PXYLP1: variants seen among roughly 807,000 people sequenced by gnomAD.
PXYLP1 encodes acid phosphatase-like 2.
PXYLP1 carries 17 observed loss-of-function variants against 37.9 expected under a neutral mutation model. That is an observed-to-expected ratio of 0.45 (90% CI 0.31 to 0.67). The LOEUF (loss-of-function observed/expected upper bound fraction) is 0.67, where lower values mean the gene tolerates loss of function less well. Ranked by LOEUF, PXYLP1 falls within the 30% of genes least tolerant of loss-of-function variation. The pLI, the probability that PXYLP1 is intolerant of heterozygous loss-of-function variation, is 0.07. For missense variants in PXYLP1, 511 were observed against 612.0 expected (o/e 0.84, Z 1.74); for synonymous variants, 221 against 232.2 (o/e 0.95, Z 0.44).
chr3:141,275,586 A>G (rs915208714), intron 2 of PXYLP1, among the ~76,000 whole-genome samples: 2 of 152,196 alleles, frequency 1.3e-5, no homozygotes, highest in African/African-American at 4.8e-5. Context: ...GCACTTTTCT[A>G]TATTTCCGTG....
At chr3:141,288,059 G>A (rs889625455) in intron 5 of PXYLP1, among the ~76,000 whole-genome samples, 16 of 152,252 alleles carry the variant, frequency 1.1e-4, no homozygotes, top group Non-Finnish European at 2.9e-5. Flanking sequence ...GCTGAGCTGA[G>A]TTCTCACAGA....
At chr3:141,255,531 G>A (rs1941244573) in intron 1 of PXYLP1, among the ~76,000 whole-genome samples, 1 of 152,244 alleles carries the variant, frequency 6.6e-6, no homozygotes, top group Non-Finnish European at 1.5e-5. Context: ...TGCCGGTGAA[G>A]CAGGGACTCT....
At position 141,292,347 on chromosome 3, in the gene PXYLP1, G is replaced by A. The variant is rs762035023; in HGVS notation, c.585G>A (p.Trp195Ter). 1.5e-5 allele frequency: 24 copies of A among 1,613,980 alleles called. No individual in the cohort carries two copies. Among genetic ancestry groups the A allele is most frequent in the Non-Finnish European group, 1.7e-5 (20 of 1,180,026 alleles). Reference protein sequence around the residue: ...LKKHKLLPNDWSADQLYLETT... With the variant: ...LKKHKLLPND ...AACACAAACTCCTGCCCAATGATTG[G>A]TCTGCAGACCAGCTCTATTTAGAGA... The change falls in exon 6 of 6, where the codon TGG becomes TGA. Residue 195 changes from tryptophan (W) to a stop codon, truncating the protein, a stop_gained. Coordinates refer to ENST00000286353, the MANE Select transcript of PXYLP1 (RefSeq NM_001037172.3). LOFTEE classifies it high-confidence loss of function. The surrounding 1 kb of genome is among the most constrained non-coding windows in gnomAD (Gnocchi z 4.3).
chr3:141,263,206 G>T (rs1457047885), intron 2 of PXYLP1, among the ~76,000 whole-genome samples: 1 of 152,194 alleles, frequency 6.6e-6, no homozygotes, highest in Non-Finnish European at 1.5e-5. Flanking sequence ...TATTTATTAA[G>T]TGCTTATGTG....
rs79639773 is a variant in PXYLP1 at position 141,248,558 on chromosome 3, C to A, written c.-53-11565C>A. On this transcript the variant is annotated intron_variant, in intron 1 of 5. Coordinates refer to ENST00000286353, the MANE Select transcript of PXYLP1 (RefSeq NM_001037172.3). ...ATATACACACACGTATATATACACA[C>A]GTGTATATATATACACACATGTATA... 9.2e-4 allele frequency among the ~76,000 whole-genome samples: 123 copies of A among 133,216 alleles called. 6 individuals are homozygous for A. The highest frequency in any genetic ancestry group is 3.6e-3 in the African/African-American group (111 of 30,734). The allele number at this position is 133,216 out of a possible 152,430, so 87.4% of individuals were successfully genotyped here.
chr3:141,278,900 G>A (rs1941873972), intron 3 of PXYLP1, among the ~76,000 whole-genome samples: 1 of 152,248 alleles, frequency 6.6e-6, no homozygotes, highest in Admixed American at 6.5e-5. Context: ...TGTCCTGCTG[G>A]CGTCTTGCCA....
At chr3:141,250,284 A>G (rs1941112570) in intron 1 of PXYLP1, among the ~76,000 whole-genome samples, 1 of 152,228 alleles carries the variant, frequency 6.6e-6, no homozygotes, top group Non-Finnish European at 1.5e-5. Context: ...TGTTTTGATT[A>G]TTGGATCTGA....
chr3:141,264,113 A>G (rs556901525), intron 2 of PXYLP1, among the ~76,000 whole-genome samples: 172 of 151,570 alleles, frequency 1.1e-3, no homozygotes, highest in African/African-American at 3.5e-3. Flanking sequence ...CAGGGCCCCG[A>G]TTGGCCAGAG....
rs148556894 is a variant in PXYLP1, at chr3:141,248,335, A to T, written c.-53-11788A>T. On this transcript the variant is annotated intron_variant, in intron 1 of 5. Transcript: ENST00000286353. ...AGTGAGCCACTGAGCCTGGCCTCTTAAGAGTCTTATTACCTACTTTATTGG... is the reference window on the plus strand; with the variant it reads ...AGTGAGCCACTGAGCCTGGCCTCTTTAGAGTCTTATTACCTACTTTATTGG... Among the ~76,000 whole-genome samples the T allele has an allele frequency of 6.6e-3, 1,004 of 151,822 alleles. 12 individuals carry two copies. The highest frequency in any genetic ancestry group is 0.022 in the African/African-American group (926 of 41,384).
intron 3 of PXYLP1, 149 bp from the exon 4 acceptor site, chr3:141,279,229 A>G (rs1941883352): frequency 1.1e-6 from 1 of 887,046 alleles, no homozygotes; most frequent in East Asian, 2.5e-5. Flanking sequence ...GGGCCCCTTC[A>G]CTGTGGTGGC....
intron 4 of PXYLP1, 146 bp from the exon 5 acceptor site, chr3:141,287,168 T>G (rs1361974777): frequency 1.2e-6 from 1 of 835,526 alleles, no homozygotes; most frequent in African/African-American, 1.7e-5. Context: ...AATAATGAAA[T>G]TGGAACTGAA....
At chr3:141,257,723 GAA>G (rs1941292398) in intron 1 of PXYLP1, among the ~76,000 whole-genome samples, 1 of 151,994 alleles carries the variant, frequency 6.6e-6, no homozygotes, top group Admixed American at 6.6e-5. Flanking sequence ...CCAATGTGGT[GAA>G]ACCCTGTCTC....
At chr3:141,284,001 T>C (rs1435221623) in intron 4 of PXYLP1, among the ~76,000 whole-genome samples, 1 of 152,232 alleles carries the variant, frequency 6.6e-6, no homozygotes, top group African/African-American at 2.4e-5. Flanking sequence ...AAGCAGATTT[T>C]CAATGAGCCC....
At chr3:141,277,429 C>T (rs1052916869) in intron 2 of PXYLP1, among the ~76,000 whole-genome samples, 10 of 152,082 alleles carry the variant, frequency 6.6e-5, no homozygotes, top group Non-Finnish European at 1.3e-4. Flanking sequence ...ATTCCCTAGG[C>T]ACGGAGAGAT....
intron 1 of PXYLP1, chr3:141,234,212 G>A (rs1940605258): frequency 6.6e-6 from 1 of 151,932 alleles, no homozygotes; most frequent in Non-Finnish European, 1.5e-5. Flanking sequence ...TGTGTTTGGA[G>A]CAGTGAGTGC....
intron 1 of PXYLP1, among the ~76,000 whole-genome samples, chr3:141,246,175 G>C (rs1476082511): frequency 6.6e-6 from 1 of 152,186 alleles, no homozygotes; most frequent in Non-Finnish European, 1.5e-5. Flanking sequence ...AGTATTAAAA[G>C]AGAGCTCTCT....
At chr3:141,285,981 T>G (rs1942067249) in intron 4 of PXYLP1, among the ~76,000 whole-genome samples, 1 of 152,194 alleles carries the variant, frequency 6.6e-6, no homozygotes, top group Admixed American at 6.5e-5. Context: ...TTTATGTTGT[T>G]GATAGATAAT....
At chr3:141,255,351 T>TAG (rs1452775498) in intron 1 of PXYLP1, among the ~76,000 whole-genome samples, 1 of 152,210 alleles carries the variant, frequency 6.6e-6, no homozygotes, top group African/African-American at 2.4e-5. Flanking sequence ...AACTATTTTA[T>TAG]GTTCAGCCTG....
At chr3:141,279,147 A>T (rs554172792) in intron 3 of PXYLP1, among the ~76,000 whole-genome samples, 1 of 152,292 alleles carries the variant, frequency 6.6e-6, no homozygotes, top group East Asian at 1.9e-4. Flanking sequence ...TCTGGGACAT[A>T]ATCAGCCTAC....
Sources: allele counts gnomAD v4.1 joint callset (sites outside exome capture counted in the v4.1 genomes callset), GRCh38; gene constraint gnomAD v4.1.1; non-coding constraint Gnocchi (gnomAD v3.1); transcripts MANE v1.5; gene names NCBI Gene and HGNC (gene_info 2026-07-23, HGNC 2026-07-21).